Variants in NUP98 observed in about 807,000 individuals in gnomAD.
NUP98 encodes nuclear pore complex protein Nup98-Nup96.
Under a neutral mutation model 191.9 loss-of-function variants are expected in NUP98, and 26 were observed. The observed-to-expected ratio is 0.14, with a 90% CI of 0.10 to 0.19. The LOEUF (loss-of-function observed/expected upper bound fraction) is 0.19, where lower values mean the gene tolerates loss of function less well. Ranked by LOEUF, NUP98 falls within the 10% of genes least tolerant of loss-of-function variation. NUP98 has a pLI of 1.00. For missense variants in NUP98, 1,941 were observed against 2,178.8 expected (o/e 0.89, Z 2.17); for synonymous variants, 808 against 778.4 (o/e 1.04, Z -0.63).
In NUP98 at chr11:3,699,197, T is replaced by C. The variant is rs749352031; in HGVS notation, c.3894A>G (p.Thr1298=). Residue 1298 remains threonine, a synonymous_variant, in exon 25 of 33, where the codon ACA becomes ACG. Transcript: ENST00000324932. ...AFSRWLSCTA[T]PQIEEEVSLT... ...AGGAGACTTCCTCTTCAATCTGAGGTGTGGCAGTACAGGATAGCCAGCGGG... is the reference window on the plus strand; with the variant it reads ...AGGAGACTTCCTCTTCAATCTGAGGCGTGGCAGTACAGGATAGCCAGCGGG... The C allele has an allele frequency of 1.5e-5, 24 of 1,614,040 alleles. No homozygotes were observed. The highest frequency in any genetic ancestry group is 1.2e-4 in the Admixed American group (7 of 59,998).
Position 3,771,861 on chromosome 11 carries a change from G to A in NUP98, c.671C>T (p.Thr224Ile), listed in dbSNP as rs1395714082. The part of the protein sequence containing the change: ...GPQNQVGAGT[T>I]TGLFGSSPAT... ...TGGAGAAGACCCAAACAAGCCAGTT[G>A]TGGTACCTGCTCCCACCTGGTTCTG... Residue 224 changes from threonine to isoleucine, a missense_variant, in exon 7 of 33, where the codon ACA (threonine) becomes ATA (isoleucine). Around this residue, in one of 6 missense-constraint regions of NUP98, gnomAD observed 181 missense variants for 228.0 expected, o/e 0.79. Transcript: ENST00000324932. The A allele has an allele frequency of 6.2e-7, 1 of 1,614,168 alleles. No homozygotes were observed. Among genetic ancestry groups the A allele is most frequent in the Admixed American group, 1.7e-5 (1 of 60,002 alleles).
intron 31 of NUP98, among the ~76,000 whole-genome samples, chr11:3,677,895 C>CA (rs934079255): frequency 1.1e-4 from 16 of 152,062 alleles, no homozygotes; most frequent in Admixed American, 6.6e-5. Flanking sequence ...TAATAGATAA[C>CA]AATTATTAAG....
At chr11:3,702,322 CT>C (rs1386699969) in intron 23 of NUP98, 140 bp downstream of exon 23, 7 of 116,262 alleles carry the variant, frequency 6.0e-5, no homozygotes, top group South Asian at 1.4e-4. Flanking sequence ...CACTCTCTCT[CT>C]CTCTCTCTCT....
At chr11:3,759,440 C>T (rs2081089396) in intron 10 of NUP98, among the ~76,000 whole-genome samples, 1 of 151,882 alleles carries the variant, frequency 6.6e-6, no homozygotes, top group South Asian at 2.1e-4. Flanking sequence ...CTACTAAAAA[C>T]ACAAAAATTA....
intron 14 of NUP98, among the ~76,000 whole-genome samples, chr11:3,728,752 A>G (rs1352875884): frequency 6.6e-6 from 1 of 152,168 alleles, no homozygotes. Flanking sequence ...ATAAATAAAT[A>G]AATAAAAATA....
intron 7 of NUP98, among the ~76,000 whole-genome samples, chr11:3,769,075 A>G (rs1165205865): frequency 6.6e-6 from 1 of 152,184 alleles, no homozygotes; most frequent in African/African-American, 2.4e-5. Flanking sequence ...TAATGAGAAC[A>G]AAGGCTTCTT....
chr11:3,733,399 C>T (rs2079919361), intron 13 of NUP98, among the ~76,000 whole-genome samples: 1 of 152,192 alleles, frequency 6.6e-6, no homozygotes, highest in Non-Finnish European at 1.5e-5. Flanking sequence ...GCAATCTCCA[C>T]CTCCCAGGTT....
At chr11:3,698,733 A>AG (rs2078588803) in intron 25 of NUP98, among the ~76,000 whole-genome samples, 1 of 146,814 alleles carries the variant, frequency 6.8e-6, no homozygotes, top group Admixed American at 6.7e-5. Flanking sequence ...CTCAAAAAAA[A>AG]AAAAAAAAAA....
chr11:3,716,631 C>T (rs551413182), intron 18 of NUP98, among the ~76,000 whole-genome samples: 10 of 152,022 alleles, frequency 6.6e-5, no homozygotes, highest in African/African-American at 1.2e-4. Context: ...ATAGCTTGAA[C>T]CTGGGGGCAG....
intron 17 of NUP98, 111 bp downstream of exon 17, chr11:3,720,601 G>T: frequency 1.7e-6 from 1 of 572,614 alleles, no homozygotes; most frequent in Non-Finnish European, 3.1e-6. Flanking sequence ...TTCAGGCCAA[G>T]GTGGGCCCAA....
chr11:3,698,770 T>C (rs1425105859), intron 25 of NUP98, among the ~76,000 whole-genome samples: 10 of 142,664 alleles, frequency 7.0e-5, no homozygotes. Flanking sequence ...TCCTATTCTA[T>C]AGGAATAGGT....
At chr11:3,747,477 T>A (rs2080550277) in intron 11 of NUP98, among the ~76,000 whole-genome samples, 1 of 152,196 alleles carries the variant, frequency 6.6e-6, no homozygotes, top group South Asian at 2.1e-4. Context: ...GTGCTAATGA[T>A]GTTAATATCA....
At chr11:3,796,661 T>A (rs2082605700) in intron 1 of NUP98, among the ~76,000 whole-genome samples, 1 of 152,186 alleles carries the variant, frequency 6.6e-6, no homozygotes, top group Non-Finnish European at 1.5e-5. Context: ...GACTGAAATA[T>A]CCAGGGAGGG....
rs142142995 is a variant in NUP98, at chr11:3,692,368, C to T, written c.4311+864G>A. On this transcript the variant is annotated intron_variant, in intron 27 of 32. Transcript: ENST00000324932. ...AACACCTGGGCACGGTGGCTCATGC[C>T]TGTAATCCTAGCACTTAGGGAGGCC... Among the ~76,000 whole-genome samples the T allele has an allele frequency of 1.2e-3, 186 of 151,734 alleles. 1 individual carries two copies. The highest frequency in any genetic ancestry group is 4.1e-3 in the African/African-American group (171 of 41,402).
At chr11:3,712,479 A>G in intron 20 of NUP98, 85 bp downstream of exon 20, 1 of 1,578,476 alleles carries the variant, frequency 6.3e-7, no homozygotes, top group Non-Finnish European at 8.6e-7. Context: ...CAAGGGTCAT[A>G]AAACAGCTTT....
chr11:3,797,491 G>GCCGCCGCTACCACCCCTGCCACCGA lies in NUP98; in HGVS notation c.-145_-121dup, dbSNP rs2082731439. On this transcript the variant is annotated 5_prime_UTR_variant, in exon 1 of 33. Coordinates refer to ENST00000324932, the MANE Select transcript of NUP98 (RefSeq NM_016320.5). ...GCGCGGCCCCCACGAAACCGTCGCC[G>GCCGCCGCTACCACCCCTGCCACCGA]CCGCCGCTACCACCCCTGCCACCGA... is the stretch of plus-strand genomic sequence containing the variant. 4.6e-6 allele frequency: 2 copies of GCCGCCGCTACCACCCCTGCCACCGA among 430,228 alleles called. No individual in the cohort carries two copies. The highest frequency in any genetic ancestry group is 4.4e-5 in the Admixed American group (1 of 22,820). The allele number at this position is 430,228 out of a possible 1,614,324, so 26.7% of individuals were successfully genotyped here.
At chr11:3,797,029 AG>A (rs1444444761) in intron 1 of NUP98, among the ~76,000 whole-genome samples, 5 of 152,256 alleles carry the variant, frequency 3.3e-5, no homozygotes, top group Non-Finnish European at 4.4e-5. Context: ...ATGACGGTCA[AG>A]GAAGTGCGGG....
chr11:3,704,846 C>T (rs1049679728), intron 22 of NUP98, among the ~76,000 whole-genome samples: 1 of 152,100 alleles, frequency 6.6e-6, no homozygotes, highest in African/African-American at 2.4e-5. Flanking sequence ...TCTCTATAAA[C>T]ATTTAAAAAA....
chr11:3,757,115 A>G (rs1248703799), intron 10 of NUP98, among the ~76,000 whole-genome samples: 1 of 116,870 alleles, frequency 8.6e-6, no homozygotes, highest in African/African-American at 4.0e-5. Flanking sequence ...ATATATCTAT[A>G]TATCTATATC....
Sources: gnomAD v4.1 joint callset for allele counts (sites outside exome capture counted in the v4.1 genomes callset) on GRCh38, gnomAD v4.1.1 for gene constraint, gnomAD v4.1.1 regional missense constraint, MANE v1.5 for transcripts, NCBI Gene and HGNC (gene_info 2026-07-23, HGNC 2026-07-21) for gene names.